The following CSMD1 variants were observed in gnomAD, a reference collection of about 807,000 sequenced individuals.
The protein encoded by CSMD1 is CUB and sushi domain-containing protein 1.
CSMD1 carries 213 observed loss-of-function variants against 417.5 expected under a neutral mutation model. The observed-to-expected ratio is 0.51, with a 90% confidence interval of 0.46 to 0.57. The LOEUF (loss-of-function observed/expected upper bound fraction) is 0.57, where lower values mean the gene tolerates loss of function less well. Ranked by LOEUF, CSMD1 falls within the 20% of genes least tolerant of loss-of-function variation. CSMD1 has a pLI of 0.00. For missense variants in CSMD1, 6,923 were observed against 4,529.7 expected (o/e 1.53, Z -15.17); for synonymous variants, 2,862 against 1,736.8 (o/e 1.65, Z -16.11).
chr8:4,057,925 T>G (rs1264710922), intron 3 of CSMD1, among the ~76,000 whole-genome samples: 1 of 151,450 alleles, frequency 6.6e-6, no homozygotes, highest in Non-Finnish European at 1.5e-5. Context: ...CATGCTGTTT[T>G]GGTTCCTGTA....
At chr8:3,739,453 GTTAA>G (rs1219719585) in intron 6 of CSMD1, among the ~76,000 whole-genome samples, 3 of 152,058 alleles carry the variant, frequency 2.0e-5, no homozygotes, top group Non-Finnish European at 4.4e-5. Flanking sequence ...TGATGCACCC[GTTAA>G]TTACTCTGGT....
intron 1 of CSMD1, among the ~76,000 whole-genome samples, chr8:4,925,220 T>TTG (rs1320291962): frequency 1.5e-5 from 2 of 132,606 alleles, no homozygotes; most frequent in Non-Finnish European, 3.2e-5. Flanking sequence ...TTATGGTTTT[T>TTG]TTTTTTTTTT....
chr8:4,937,748 C>G (rs1371558551), intron 1 of CSMD1, among the ~76,000 whole-genome samples: 1 of 151,812 alleles, frequency 6.6e-6, no homozygotes, highest in South Asian at 2.1e-4. Flanking sequence ...TAAGTGTGAT[C>G]TGATCTAGAG....
At chr8:3,575,753 C>T (rs1223517316) in intron 9 of CSMD1, among the ~76,000 whole-genome samples, 2 of 151,288 alleles carry the variant, frequency 1.3e-5, no homozygotes, top group East Asian at 3.9e-4. Flanking sequence ...AAATGAAAGA[C>T]TGAGTGAAGC....
intron 3 of CSMD1, among the ~76,000 whole-genome samples, chr8:4,117,076 T>G (rs1350254742): frequency 6.6e-6 from 1 of 151,892 alleles, no homozygotes; most frequent in Non-Finnish European, 1.5e-5. Flanking sequence ...AAATCTGGCC[T>G]CCTTTCTACT....
At chr8:4,063,483 C>G (rs532260960) in intron 3 of CSMD1, among the ~76,000 whole-genome samples, 41 of 152,208 alleles carry the variant, frequency 2.7e-4, no homozygotes, top group African/African-American at 9.9e-4. Flanking sequence ...TTATATGCGT[C>G]TATTAAATAA....
intron 33 of CSMD1, among the ~76,000 whole-genome samples, chr8:3,198,891 C>T (rs1442402): frequency 0.21 from 31,129 of 150,054 alleles, 3,268 homozygotes; most frequent in Admixed American, 0.24. Context: ...TATCTGTAGC[C>T]TCCAGCAAAA....
intron 1 of CSMD1, among the ~76,000 whole-genome samples, chr8:4,927,367 A>G (rs1364056506): frequency 6.6e-6 from 1 of 152,082 alleles, no homozygotes; most frequent in Non-Finnish European, 1.5e-5. Flanking sequence ...CAAATGCATT[A>G]TTTAATCTAA....
intron 4 of CSMD1, among the ~76,000 whole-genome samples, chr8:4,003,073 T>G (rs1815819611): frequency 6.6e-6 from 1 of 152,100 alleles, no homozygotes; most frequent in African/African-American, 2.4e-5. Flanking sequence ...GGGATATTAT[T>G]TATACTTACT....
chr8:4,661,016 G>A (rs1030685132), intron 1 of CSMD1, among the ~76,000 whole-genome samples: 7 of 152,104 alleles, frequency 4.6e-5, no homozygotes, highest in African/African-American at 1.7e-4. Flanking sequence ...TACATTGCTG[G>A]TTGGAATGCA....
At chr8:3,538,664 C>A (rs948079558) in intron 10 of CSMD1, among the ~76,000 whole-genome samples, 1 of 152,248 alleles carries the variant, frequency 6.6e-6, no homozygotes, top group African/African-American at 2.4e-5. Context: ...GCCAGACTGG[C>A]CTTTTCTTCC....
rs571198793 is a variant in CSMD1 at position 4,983,168 on chromosome 8, T to C, written c.85+11164A>G. On this transcript the variant is annotated intron_variant, in intron 1 of 69. Coordinates refer to ENST00000635120, the MANE Select transcript of CSMD1 (RefSeq NM_033225.6). Reference sequence around the variant, plus strand: ...GCATGGCAAAATAATATCTTGAATATAGGGTTTCAAAGCTAATTATGTTGA... The same window carrying C: ...GCATGGCAAAATAATATCTTGAATACAGGGTTTCAAAGCTAATTATGTTGA... 5.7e-4 allele frequency among the ~76,000 whole-genome samples: 87 copies of C among 152,166 alleles called. 1 individual carries two copies. Among genetic ancestry groups the C allele is most frequent in the Non-Finnish European group, 1.1e-3 (75 of 68,032 alleles).
chr8:3,752,009 C>G (rs904960850), intron 6 of CSMD1, among the ~76,000 whole-genome samples: 1 of 152,144 alleles, frequency 6.6e-6, no homozygotes, highest in Non-Finnish European at 1.5e-5. Context: ...ATAAGGATCA[C>G]TGAAGAGAAA....
intron 41 of CSMD1, among the ~76,000 whole-genome samples, chr8:3,133,209 G>C (rs1172844838): frequency 6.6e-6 from 1 of 151,856 alleles, no homozygotes. Flanking sequence ...GTCCTCCTGG[G>C]CCTTCTTGGC....
In CSMD1 at chr8:3,304,108, C is replaced by T. The variant is rs74959410; in HGVS notation, c.3950+3587G>A. ...CAGCCTTTTCATATTTTCCAAGATC[C>T]GGCTGTTTATTCATTCCTTGAGAGT... On this transcript the variant is annotated intron_variant, in intron 25 of 69. Coordinates refer to ENST00000635120, the MANE Select transcript of CSMD1 (RefSeq NM_033225.6). 2.8e-3 allele frequency among the ~76,000 whole-genome samples: 425 copies of T among 152,104 alleles called. 5 individuals carry two copies. Among genetic ancestry groups the T allele is most frequent in the African/African-American group, 8.2e-3 (341 of 41,484 alleles).
chr8:3,494,640 G>A (rs531733005), intron 10 of CSMD1, among the ~76,000 whole-genome samples: 60 of 152,158 alleles, frequency 3.9e-4, no homozygotes, highest in African/African-American at 1.3e-3. Flanking sequence ...CAGACTGGAT[G>A]GATGGATGGG....
chr8:2,973,229 C>T lies in CSMD1; in HGVS notation c.8811G>A (p.Lys2937=). 6.2e-7 allele frequency: 1 copy of T among 1,613,946 alleles called. No homozygotes were observed. Among genetic ancestry groups the T allele is most frequent in the Non-Finnish European group, 8.5e-7 (1 of 1,179,864 alleles). The change falls in exon 57 of 70, where the codon AAG becomes AAA. Residue 2937 remains lysine, a synonymous_variant. Transcript: ENST00000635120. ...AHGSRLGDDF[K]TKSLLRFSCE... ...AGGAGAAGCGGAGAAGACTCTTTGT[C>T]TTAAAGTCATCACCAAGCCGAGACC...
At chr8:3,441,107 G>A (rs1814953891) in intron 12 of CSMD1, among the ~76,000 whole-genome samples, 1 of 152,144 alleles carries the variant, frequency 6.6e-6, no homozygotes, top group Admixed American at 6.6e-5. Context: ...TATGAAGACA[G>A]AGGTAGGAGT....
intron 10 of CSMD1, among the ~76,000 whole-genome samples, chr8:3,567,677 C>T (rs1333231847): frequency 2.0e-5 from 3 of 152,078 alleles, no homozygotes; most frequent in African/African-American, 4.8e-5. Flanking sequence ...CCAAGCAATG[C>T]AACTGTACAG....
Sources: allele counts gnomAD v4.1 joint callset (sites outside exome capture counted in the v4.1 genomes callset), GRCh38; gene constraint gnomAD v4.1.1; transcripts MANE v1.5; gene names NCBI Gene and HGNC (gene_info 2026-07-23, HGNC 2026-07-21).